Variants in ROBO2 observed in about 807,000 individuals in gnomAD.
ROBO2 encodes the protein roundabout homolog 2.
Under a neutral mutation model 160.8 loss-of-function variants are expected in ROBO2, and 53 were observed. The observed-to-expected ratio is 0.33, with a 90% CI of 0.26 to 0.41. The LOEUF (loss-of-function observed/expected upper bound fraction) is 0.41. ROBO2 is among the 10% of genes least tolerant of loss of function. The pLI, the probability that ROBO2 is intolerant of heterozygous loss-of-function variation, is 1.00. For synonymous variants in ROBO2, 664 were observed against 611.7 expected (o/e 1.09, Z -1.26); for missense variants, 1,577 against 1,722.4 (o/e 0.92, Z 1.49).
intron 1 of ROBO2, among the ~76,000 whole-genome samples, chr3:75,911,850 C>T (rs1946607516): frequency 1.3e-5 from 2 of 152,098 alleles, no homozygotes. Flanking sequence ...GCCACCGCGC[C>T]CTGCCGAAGC....
At chr3:77,582,147 A>C (rs2153678077) in intron 16 of ROBO2, among the ~76,000 whole-genome samples, 1 of 152,194 alleles carries the variant, frequency 6.6e-6, no homozygotes, top group Non-Finnish European at 1.5e-5. Context: ...AGTTCTATTA[A>C]ATTGCATATT....
At chr3:76,887,711 A>G (rs1052244285) in intron 2 of ROBO2, among the ~76,000 whole-genome samples, 9 of 152,334 alleles carry the variant, frequency 5.9e-5, no homozygotes, top group African/African-American at 1.9e-4. Context: ...CAATTACATT[A>G]TGGATGAAAT....
At chr3:75,930,305 T>C (rs561666720) in intron 1 of ROBO2, among the ~76,000 whole-genome samples, 2 of 152,216 alleles carry the variant, frequency 1.3e-5, no homozygotes, top group African/African-American at 4.8e-5. Context: ...TTATTGAGAC[T>C]CTCCTTGGGA....
chr3:76,091,112 T>C (rs571075356), intron 2 of ROBO2, among the ~76,000 whole-genome samples: 3 of 152,240 alleles, frequency 2.0e-5, no homozygotes, highest in African/African-American at 7.2e-5. Context: ...TCATTAAAAT[T>C]GGAAACTTTT....
intron 2 of ROBO2, among the ~76,000 whole-genome samples, chr3:76,376,389 C>T (rs572752540): frequency 6.6e-6 from 1 of 152,048 alleles, no homozygotes; most frequent in Non-Finnish European, 1.5e-5. Flanking sequence ...GTCAAAGAAA[C>T]CATGGATTTT....
chr3:76,513,960 A>G (rs947697521), intron 2 of ROBO2, among the ~76,000 whole-genome samples: 1 of 152,218 alleles, frequency 6.6e-6, no homozygotes, highest in Non-Finnish European at 1.5e-5. Context: ...TTTTAATGTT[A>G]TCAAATATGA....
At chr3:76,056,918 C>T (rs2067868786) in intron 2 of ROBO2, among the ~76,000 whole-genome samples, 1 of 152,058 alleles carries the variant, frequency 6.6e-6, no homozygotes, top group Admixed American at 6.5e-5. Context: ...TAAAACAAAA[C>T]AAAACAGCTA....
intron 2 of ROBO2, among the ~76,000 whole-genome samples, chr3:77,130,575 T>C (rs1183461882): frequency 6.6e-6 from 1 of 152,216 alleles, no homozygotes; most frequent in East Asian, 1.9e-4. Flanking sequence ...TGCACCAACC[T>C]GATATTTAGC....
chr3:76,335,819 G>T (rs1450879315), intron 2 of ROBO2, among the ~76,000 whole-genome samples: 1 of 152,060 alleles, frequency 6.6e-6, no homozygotes, highest in East Asian at 1.9e-4. Context: ...CTTGTGATCC[G>T]CCCGCCTCGT....
chr3:77,635,213 C>T (rs181312841), intron 24 of ROBO2, among the ~76,000 whole-genome samples, 170 bp downstream of exon 25: 1 of 151,836 alleles, frequency 6.6e-6, no homozygotes, highest in Non-Finnish European at 1.5e-5. Context: ...TAAAAACAAT[C>T]TAGAATTATT....
At position 76,070,675 on chromosome 3, in the gene ROBO2, TG is replaced by T. The variant is rs536017137; in HGVS notation, c.109+133074del. ...CTTTTGAAAATCTCTAATAAAAACT[TG>T]CTGGTTTTTGTGGCTTGTTTTAAAG... is the stretch of plus-strand genomic sequence containing the variant. On this transcript the variant is annotated intron_variant, in intron 2 of 26. Transcript: ENST00000487694. Among the ~76,000 whole-genome samples, 29 of 152,226 alleles carry T rather than the reference TG, an allele frequency of 1.9e-4. No homozygotes were observed. The East Asian group carries it at 5.6e-3, about 29-fold the overall frequency.
chr3:76,673,302 C>A (rs1021398269), intron 2 of ROBO2, among the ~76,000 whole-genome samples: 1 of 152,110 alleles, frequency 6.6e-6, no homozygotes, highest in African/African-American at 2.4e-5. Flanking sequence ...TCATTGAGAT[C>A]GGAAACATCA....
At chr3:76,739,847 C>T (rs1241522148) in intron 2 of ROBO2, among the ~76,000 whole-genome samples, 1 of 152,128 alleles carries the variant, frequency 6.6e-6, no homozygotes, top group Non-Finnish European at 1.5e-5. Context: ...ATAAAGCATC[C>T]TCCTAATTCT....
At chr3:76,385,374 T>C (rs921779269) in intron 2 of ROBO2, among the ~76,000 whole-genome samples, 4 of 152,232 alleles carry the variant, frequency 2.6e-5, no homozygotes, top group African/African-American at 9.6e-5. Context: ...TTCAGTTCTC[T>C]TATACATCTG....
chr3:76,418,682 C>CTT (rs35804382), intron 2 of ROBO2, among the ~76,000 whole-genome samples: 5 of 137,996 alleles, frequency 3.6e-5, no homozygotes, highest in Admixed American at 7.3e-5. Context: ...TTCAACCTGC[C>CTT]TTTTTTTTTT....
At chr3:76,662,408 C>T (rs1027731903) in intron 2 of ROBO2, among the ~76,000 whole-genome samples, 29 of 152,028 alleles carry the variant, frequency 1.9e-4, no homozygotes, top group African/African-American at 6.5e-4. Context: ...TACATAATTA[C>T]TTTTTTCTTC....
intron 2 of ROBO2, among the ~76,000 whole-genome samples, chr3:76,333,061 C>G (rs2073610557): frequency 6.6e-6 from 1 of 152,170 alleles, no homozygotes; most frequent in Non-Finnish European, 1.5e-5. Context: ...TTGCTGCAGG[C>G]CCTGGAGCCA....
intron 2 of ROBO2, among the ~76,000 whole-genome samples, chr3:76,882,108 G>GTT (rs2073403134): frequency 1.5e-5 from 2 of 134,590 alleles, no homozygotes; most frequent in African/African-American, 5.1e-5. Flanking sequence ...GTGTGTGTGT[G>GTT]TGTGTCTGTG....
chr3:77,292,017 AC>A (rs2061345342), intron 2 of ROBO2, among the ~76,000 whole-genome samples: 1 of 151,416 alleles, frequency 6.6e-6, no homozygotes. Context: ...AGGCTAGATC[AC>A]CCCAGAAATA....
Sources: gnomAD v4.1 joint callset for allele counts (sites outside exome capture counted in the v4.1 genomes callset) on GRCh38, gnomAD v4.1.1 for gene constraint, MANE v1.5 for transcripts, NCBI Gene and HGNC (gene_info 2026-07-23, HGNC 2026-07-21) for gene names.